Variants in FTO observed in about 807,000 individuals in gnomAD.
FTO encodes FTO alpha-ketoglutarate dependent dioxygenase, also known as alpha-ketoglutarate-dependent dioxygenase FTO.
A neutral mutation model predicts 63.9 loss-of-function variants in FTO; 47 were observed. The ratio of observed to expected loss-of-function variants is 0.74; its 90% CI spans 0.58 to 0.94. FTO has a LOEUF of 0.94. FTO is among the 40% of genes least tolerant of loss of function. The pLI is 0.00. For missense variants in FTO, 562 were observed against 618.1 expected (o/e 0.91, Z 0.96); for synonymous variants, 207 against 224.4 (o/e 0.92, Z 0.69).
intron 7 of FTO, among the ~76,000 whole-genome samples, chr16:53,923,600 G>T (rs970782464): frequency 4.6e-5 from 7 of 152,138 alleles, no homozygotes; most frequent in Non-Finnish European, 8.8e-5. Flanking sequence ...GGCTGCTGGC[G>T]CCAAGGCCCA....
intron 1 of FTO, among the ~76,000 whole-genome samples, chr16:53,786,711 A>ATT (rs557129007): frequency 1.8e-3 from 268 of 152,316 alleles, no homozygotes; most frequent in Admixed American, 3.6e-3. Context: ...AAATGCAAAT[A>ATT]GCTGGTACCC....
intron 8 of FTO, among the ~76,000 whole-genome samples, chr16:54,014,320 C>A: frequency 6.6e-6 from 1 of 152,122 alleles, no homozygotes; most frequent in East Asian, 1.9e-4. Flanking sequence ...GTTCTGTCCT[C>A]TGGGTAATGA....
At chr16:53,995,215 CAGTG>C (rs2083906667) in intron 8 of FTO, among the ~76,000 whole-genome samples, 1 of 152,132 alleles carries the variant, frequency 6.6e-6, no homozygotes, top group Non-Finnish European at 1.5e-5. Flanking sequence ...GTTCACCAAA[CAGTG>C]AGCCCGTTGA....
chr16:53,928,246 G>A (rs750722486), intron 7 of FTO, among the ~76,000 whole-genome samples: 17 of 152,138 alleles, frequency 1.1e-4, no homozygotes, highest in African/African-American at 3.6e-4. Flanking sequence ...ACCAGGACAC[G>A]TTTCCTAATG....
intron 6 of FTO, among the ~76,000 whole-genome samples, chr16:53,883,646 A>AAAAAAAAC (rs1555489016): frequency 6.6e-5 from 9 of 135,764 alleles, no homozygotes; most frequent in African/African-American, 1.5e-4. Flanking sequence ...CAAAAAAAAA[A>AAAAAAAAC]AAACAAATTT....
intron 8 of FTO, among the ~76,000 whole-genome samples, chr16:53,977,279 C>T (rs897289535): frequency 3.9e-5 from 6 of 152,010 alleles, no homozygotes; most frequent in African/African-American, 1.2e-4. Flanking sequence ...TTAAATGTGG[C>T]CTATTACATT....
At chr16:53,872,336 G>T (rs1453776870) in intron 4 of FTO, among the ~76,000 whole-genome samples, 4 of 152,184 alleles carry the variant, frequency 2.6e-5, no homozygotes, top group African/African-American at 9.7e-5. Flanking sequence ...CAGTCTGTTT[G>T]CTGTCTCTCT....
At chr16:53,885,063 A>G (rs1288350765) in intron 6 of FTO, among the ~76,000 whole-genome samples, 1 of 152,214 alleles carries the variant, frequency 6.6e-6, no homozygotes, top group Non-Finnish European at 1.5e-5. Flanking sequence ...TTACCACTTC[A>G]TCAGTCAGTC....
rs2086981581 is a variant in FTO, at chr16:54,117,522, T to A, written c.*5607T>A. On this transcript the variant is annotated 3_prime_UTR_variant, in exon 9 of 9. Coordinates refer to ENST00000471389, the MANE Select transcript of FTO (RefSeq NM_001080432.3). ...ACGCCACGCATGTACATTATTATGA[T>A]GAAAAATATGATCCGTGATATCCTG... 1.3e-5 allele frequency: 2 copies of A among 152,198 alleles called. No individual in the cohort carries two copies. The highest frequency in any genetic ancestry group is 2.4e-5 in the African/African-American group (1 of 41,440). 9.4% of individuals were successfully genotyped at this position (152,198 alleles called of 1,614,324 possible). A position where few individuals can be genotyped will look rare whatever the true frequency, so the allele number is the denominator to read the frequency against.
intron 8 of FTO, among the ~76,000 whole-genome samples, chr16:54,029,024 G>T (rs2084775350): frequency 1.3e-5 from 2 of 152,110 alleles, no homozygotes; most frequent in Admixed American, 1.3e-4. Context: ...ATTAGTAATT[G>T]CTTGACAGTA....
chr16:53,964,775 C>G (rs13335646), intron 8 of FTO, among the ~76,000 whole-genome samples: 4,412 of 152,242 alleles, frequency 0.029, 210 homozygotes, highest in African/African-American at 0.1. Context: ...GGTTATTACT[C>G]AACATTGTTA....
chr16:53,873,739 C>T (rs1391453813), intron 4 of FTO, 47 bp from the exon 5 acceptor site: 2 of 1,385,050 alleles, frequency 1.4e-6, no homozygotes, highest in African/African-American at 1.4e-5. Flanking sequence ...ATAGTATATA[C>T]TGACTAATAA....
At chr16:53,809,464 G>A (rs1163061996) in intron 1 of FTO, among the ~76,000 whole-genome samples, 2 of 152,152 alleles carry the variant, frequency 1.3e-5, no homozygotes, top group Non-Finnish European at 2.9e-5. Flanking sequence ...TATGTCTCAA[G>A]CAGATTATAC....
At chr16:54,003,296 T>G (rs1314195605) in intron 8 of FTO, among the ~76,000 whole-genome samples, 1 of 152,220 alleles carries the variant, frequency 6.6e-6, no homozygotes, top group African/African-American at 2.4e-5. Flanking sequence ...AATGGGATCA[T>G]GATATCCTAC....
At chr16:54,108,178 G>C (rs17236863) in intron 8 of FTO, among the ~76,000 whole-genome samples, 2 of 152,046 alleles carry the variant, frequency 1.3e-5, no homozygotes, top group Admixed American at 6.5e-5. Flanking sequence ...CACACATTTC[G>C]TAAGACAATT....
chr16:54,077,211 C>T (rs140623135), intron 8 of FTO, among the ~76,000 whole-genome samples: 242 of 152,254 alleles, frequency 1.6e-3, no homozygotes, highest in African/African-American at 5.8e-3. Flanking sequence ...GGAGAAAGCC[C>T]TCACGTGGCC....
At chr16:53,919,579 G>A (rs980856399) in intron 7 of FTO, among the ~76,000 whole-genome samples, 5 of 152,132 alleles carry the variant, frequency 3.3e-5, no homozygotes. Context: ...CAGTCCAAAT[G>A]CCCATCAGCC....
intron 8 of FTO, among the ~76,000 whole-genome samples, chr16:54,042,343 G>GACC (rs2085102228): frequency 1.6e-5 from 2 of 125,670 alleles, no homozygotes; most frequent in South Asian, 3.2e-4. Context: ...AGAAAGGGGT[G>GACC]ACGGACGCAC....
chr16:53,823,074 C>G (rs1256321647), intron 2 of FTO, among the ~76,000 whole-genome samples: 1 of 152,184 alleles, frequency 6.6e-6, no homozygotes, highest in Non-Finnish European at 1.5e-5. Flanking sequence ...CATGCCATCT[C>G]ACTTCCTCCT....
Sources: gnomAD v4.1 joint callset for allele counts (sites outside exome capture counted in the v4.1 genomes callset) on GRCh38, gnomAD v4.1.1 for gene constraint, MANE v1.5 for transcripts, NCBI Gene and HGNC (gene_info 2026-07-23, HGNC 2026-07-21) for gene names.